Variants in PCDH15 observed in about 807,000 individuals in gnomAD.
PCDH15 encodes the protein protocadherin related 15.
A neutral mutation model predicts 178.5 loss-of-function variants in PCDH15; 129 were observed. The observed-to-expected ratio is 0.72, with a 90% CI of 0.63 to 0.84. The LOEUF (loss-of-function observed/expected upper bound fraction) is 0.84, where lower values mean the gene tolerates loss of function less well. PCDH15 is among the 40% of genes least tolerant of loss of function. The pLI is 0.00. For missense variants in PCDH15, 2,230 were observed against 2,099.9 expected, an observed-to-expected ratio of 1.06 and a Z score of -1.21; for synonymous variants, 800 against 732.0, an observed-to-expected ratio of 1.09 and a Z score of -1.50.
chr10:54,925,488 A>G (rs139545294), intron 2 of PCDH15, among the ~76,000 whole-genome samples: 3 of 152,040 alleles, frequency 2.0e-5, no homozygotes, highest in East Asian at 1.9e-4. Flanking sequence ...GAGGAATGTC[A>G]TTGGTATTTC....
intron 1 of PCDH15, among the ~76,000 whole-genome samples, chr10:54,756,201 G>A (rs7899918): frequency 0.5 from 75,822 of 151,514 alleles, 19,523 homozygotes; most frequent in Middle Eastern, 0.68. Flanking sequence ...AGTGAGCCGA[G>A]ATCACGCCAT....
chr10:54,258,397 T>G (rs958737553), intron 8 of PCDH15, among the ~76,000 whole-genome samples: 1 of 152,184 alleles, frequency 6.6e-6, no homozygotes, highest in South Asian at 2.1e-4. Context: ...TTCATTAGAA[T>G]AGAGAGACAA....
intron 2 of PCDH15, among the ~76,000 whole-genome samples, chr10:55,363,196 T>C (rs1049501488): frequency 2.0e-5 from 3 of 152,178 alleles, no homozygotes; most frequent in African/African-American, 7.2e-5. Flanking sequence ...AATGTACCGA[T>C]GAATATTCAG....
chr10:55,350,672 G>A (rs981382633), intron 2 of PCDH15, among the ~76,000 whole-genome samples: 2 of 152,022 alleles, frequency 1.3e-5, no homozygotes, highest in Admixed American at 6.6e-5. Flanking sequence ...TTACTAGAAA[G>A]TGTCAAATCA....
At chr10:55,525,499 T>A (rs1270563131) in intron 2 of PCDH15, among the ~76,000 whole-genome samples, 1 of 151,874 alleles carries the variant, frequency 6.6e-6, no homozygotes, top group African/African-American at 2.4e-5. Flanking sequence ...ACTTCTCATA[T>A]AAATCATATG....
At chr10:55,003,212 C>G (rs1332899576) in intron 2 of PCDH15, among the ~76,000 whole-genome samples, 2 of 152,132 alleles carry the variant, frequency 1.3e-5, no homozygotes, top group Non-Finnish European at 2.9e-5. Context: ...TAAAAAGCAA[C>G]TTATAATTAG....
chr10:54,657,263 C>G (rs1408666210), intron 2 of PCDH15, among the ~76,000 whole-genome samples: 1 of 152,150 alleles, frequency 6.6e-6, no homozygotes, highest in Non-Finnish European at 1.5e-5. Flanking sequence ...AGATCACATT[C>G]CTGTCTGCCC....
rs545148223 is a variant in PCDH15 at position 55,037,307 on chromosome 10, C to T, written c.-80+129269G>A. On this transcript the variant is annotated intron_variant, in intron 2 of 5. Coordinates refer to the PCDH15 transcript ENST00000458638. ...GGAGTGCAGTGGCGTGATCTCGGCT[C>T]ACTGCAACCTCTGCCTCCCAGGTTC... is the stretch of plus-strand genomic sequence containing the variant. 9.2e-5 allele frequency among the ~76,000 whole-genome samples: 14 copies of T among 151,996 alleles called. No individual in the cohort carries two copies. The East Asian group carries it at 2.7e-3, about 30-fold the overall frequency.
At chr10:54,912,101 G>A (rs1954828973) in intron 2 of PCDH15, among the ~76,000 whole-genome samples, 1 of 151,870 alleles carries the variant, frequency 6.6e-6, no homozygotes, top group Non-Finnish European at 1.5e-5. Context: ...TTCTAGACTT[G>A]TTGATTCTGT....
At chr10:54,202,324 A>G (rs80057503) in intron 10 of PCDH15, among the ~76,000 whole-genome samples, 2 of 148,108 alleles carry the variant, frequency 1.4e-5, no homozygotes, top group African/African-American at 5.0e-5. Context: ...TTAGGAAGAG[A>G]AAAAAAAAAG....
chr10:53,854,963 T>A (rs183322872), intron 28 of PCDH15, among the ~76,000 whole-genome samples: 7 of 152,052 alleles, frequency 4.6e-5, no homozygotes, highest in African/African-American at 1.4e-4. Context: ...ATTTATATCA[T>A]CCTATCTACT....
chr10:55,182,462 G>C (rs1196310643), intron 1 of PCDH15, among the ~76,000 whole-genome samples: 1 of 151,870 alleles, frequency 6.6e-6, no homozygotes, highest in Non-Finnish European at 1.5e-5. Context: ...ATTCCACCTG[G>C]AATTAAGTCT....
At chr10:55,056,219 A>G (rs916329578) in intron 2 of PCDH15, among the ~76,000 whole-genome samples, 2 of 152,104 alleles carry the variant, frequency 1.3e-5, no homozygotes, top group African/African-American at 4.8e-5. Flanking sequence ...AAATAAATGA[A>G]CAACAACACC....
At chr10:53,809,147 C>T (rs2132372321) in intron 37 of PCDH15, 1 of 1,613,964 alleles carries the variant, frequency 6.2e-7, no homozygotes, top group Non-Finnish European at 8.5e-7. Context: ...GAACTCTCCT[C>T]CTCCTCAGAG....
intron 1 of PCDH15, among the ~76,000 whole-genome samples, chr10:54,677,973 A>T: frequency 6.6e-6 from 1 of 152,176 alleles, no homozygotes; most frequent in East Asian, 1.9e-4. Flanking sequence ...CACACTTTAG[A>T]GTATCTTCCT....
chr10:54,011,327 C>T (rs2092578293), intron 20 of PCDH15, among the ~76,000 whole-genome samples: 1 of 152,212 alleles, frequency 6.6e-6, no homozygotes, highest in East Asian at 1.9e-4. Context: ...GCAGCCACCA[C>T]ACCCCAGGCT....
At chr10:54,132,853 A>G in intron 15 of PCDH15, 22 bp downstream of exon 15, 4 of 1,600,604 alleles carry the variant, frequency 2.5e-6, no homozygotes, top group Non-Finnish European at 3.4e-6. Flanking sequence ...ACACACACAC[A>G]CACACACACC....
At chr10:55,302,129 C>A (rs2132279131) in intron 1 of PCDH15, among the ~76,000 whole-genome samples, 1 of 152,136 alleles carries the variant, frequency 6.6e-6, no homozygotes, top group African/African-American at 2.4e-5. Flanking sequence ...TTTTATCAAA[C>A]CTGTATCTCA....
intron 23 of PCDH15, among the ~76,000 whole-genome samples, chr10:53,948,008 C>A (rs577257279): frequency 6.6e-6 from 1 of 152,024 alleles, no homozygotes; most frequent in Non-Finnish European, 1.5e-5. Flanking sequence ...CATAAGAATG[C>A]GCTGGAGAAA....
Sources: allele counts gnomAD v4.1 joint callset (sites outside exome capture counted in the v4.1 genomes callset), GRCh38; gene constraint gnomAD v4.1.1; transcripts MANE v1.5; gene names NCBI Gene and HGNC (gene_info 2026-07-23, HGNC 2026-07-21).